The following GRIK3 variants were observed in gnomAD, a reference collection of about 807,000 sequenced individuals.
GRIK3 encodes glutamate ionotropic receptor kainate type subunit 3.
GRIK3 carries 29 observed loss-of-function variants against 102.5 expected under a neutral mutation model. The ratio of observed to expected loss-of-function variants is 0.28; its 90% CI spans 0.21 to 0.39. GRIK3 has a LOEUF of 0.39. GRIK3 is among the 10% of genes least tolerant of loss of function. GRIK3 has a pLI of 1.00. For synonymous variants in GRIK3, 511 were observed against 504.9 expected (o/e 1.01, Z -0.16); for missense variants, 908 against 1,252.4 (o/e 0.73, Z 4.15).
chr1:36,902,427 C>T (rs1189083970), intron 1 of GRIK3, among the ~76,000 whole-genome samples: 1 of 152,184 alleles, frequency 6.6e-6, no homozygotes, highest in African/African-American at 2.4e-5. Context: ...TGCAGACCCA[C>T]ATAAATAAAG....
chr1:37,006,063 C>T (rs149357317), intron 1 of GRIK3, among the ~76,000 whole-genome samples: 203 of 152,262 alleles, frequency 1.3e-3, no homozygotes, highest in South Asian at 3.9e-3. Context: ...CGGGAGAAGG[C>T]GGTGCATTTG....
At chr1:36,902,402 A>G (rs1641241196) in intron 1 of GRIK3, among the ~76,000 whole-genome samples, 1 of 152,238 alleles carries the variant, frequency 6.6e-6, no homozygotes, top group Non-Finnish European at 1.5e-5. Context: ...ATTGGAACAG[A>G]ATGGAGAATT....
intron 1 of GRIK3, among the ~76,000 whole-genome samples, chr1:36,953,259 G>A (rs570233536): frequency 9.9e-5 from 15 of 152,276 alleles, no homozygotes; most frequent in South Asian, 4.1e-4. Flanking sequence ...AGTGCGGAGC[G>A]TTCCCAGCTT....
intron 5 of GRIK3, among the ~76,000 whole-genome samples, chr1:36,869,076 T>G (rs1640816456): frequency 6.6e-6 from 1 of 152,202 alleles, no homozygotes; most frequent in African/African-American, 2.4e-5. Flanking sequence ...TGCAAGGCAG[T>G]GAGGCTCAGG....
intron 1 of GRIK3, among the ~76,000 whole-genome samples, chr1:36,998,537 G>T (rs1394478100): frequency 6.6e-6 from 1 of 152,178 alleles, no homozygotes. Flanking sequence ...TTATTGACAC[G>T]CATATGACAG....
At chr1:36,810,275 G>A (rs566569524) in intron 13 of GRIK3, among the ~76,000 whole-genome samples, 1 of 152,200 alleles carries the variant, frequency 6.6e-6, no homozygotes, top group Admixed American at 6.5e-5. Flanking sequence ...CCTAGGGAAC[G>A]AAGTCTCACA....
rs1040295222 is a variant in GRIK3 at position 36,819,594 on chromosome 1, G to A, written c.1873+142C>T. The A allele has an allele frequency of 3.2e-6, 2 of 625,298 alleles. No homozygotes were observed. Among genetic ancestry groups the A allele is most frequent in the South Asian group, 3.7e-5 (2 of 53,564 alleles). 38.7% of individuals were successfully genotyped at this position (625,298 alleles called of 1,614,324 possible). On this transcript the variant is annotated intron_variant, in intron 12 of 15. Coordinates refer to ENST00000373091, the MANE Select transcript of GRIK3 (RefSeq NM_000831.4). The surrounding 1 kb of genome is among the most constrained non-coding windows in gnomAD (Gnocchi z 4.1). ...GCAAGGGCACACACCTGGGTATCTC[G>A]ATGTCTCCAAACTTCTGCCGGCTCA... is the stretch of plus-strand genomic sequence containing the variant.
At chr1:37,020,268 C>G (rs1472258420) in intron 1 of GRIK3, among the ~76,000 whole-genome samples, 1 of 152,168 alleles carries the variant, frequency 6.6e-6, no homozygotes, top group Non-Finnish European at 1.5e-5. Context: ...GCACCTGGAA[C>G]CGCTGGGGTT....
At chr1:36,957,640 C>A (rs980111443) in intron 1 of GRIK3, among the ~76,000 whole-genome samples, 2 of 111,970 alleles carry the variant, frequency 1.8e-5, no homozygotes, top group Non-Finnish European at 3.7e-5. Flanking sequence ...TAAGCCTGTG[C>A]CCCATGAGCA....
chr1:36,996,577 G>A (rs940525232), intron 1 of GRIK3, among the ~76,000 whole-genome samples: 1 of 152,218 alleles, frequency 6.6e-6, no homozygotes, highest in Admixed American at 6.5e-5. Context: ...AAGCTGAGAA[G>A]GAGGTGGGAG....
intron 7 of GRIK3, among the ~76,000 whole-genome samples, chr1:36,857,910 G>A (rs1640671536): frequency 6.6e-6 from 1 of 152,248 alleles, no homozygotes; most frequent in Non-Finnish European, 1.5e-5. Flanking sequence ...AGGCGAGTCT[G>A]TTTTAGCTCT....
chr1:37,015,180 G>C (rs74064838), intron 1 of GRIK3, among the ~76,000 whole-genome samples: 4,866 of 152,216 alleles, frequency 0.032, 262 homozygotes, highest in African/African-American at 0.11. Flanking sequence ...TTGGGTAGGA[G>C]AGAAAGGAAA....
Position 36,880,531 on chromosome 1 carries a change from C to T in GRIK3, c.550+103G>A. ...GGAACTGGGGTATGGAACACAGCCT[C>T]TTCCCCCAGGGCAGCTGTGCTGAAC... On this transcript the variant is annotated intron_variant, in intron 3 of 15. Transcript: ENST00000373091. This position sits in a 1 kb window ranked among gnomAD's most constrained non-coding sequence, Gnocchi z 5.4. 7 of 1,191,074 alleles carry T rather than the reference C, an allele frequency of 5.9e-6. No homozygotes were observed. The highest frequency in any genetic ancestry group is 8.6e-6 in the Non-Finnish European group (7 of 814,214). 73.8% of individuals were successfully genotyped at this position (1,191,074 alleles called of 1,614,324 possible).
chr1:36,831,460 G>A (rs1310940683), intron 10 of GRIK3, among the ~76,000 whole-genome samples: 2 of 152,216 alleles, frequency 1.3e-5, no homozygotes, highest in Non-Finnish European at 2.9e-5. Context: ...TCTTTGGTAT[G>A]TGGCATCACA....
intron 5 of GRIK3, among the ~76,000 whole-genome samples, chr1:36,863,530 C>T (rs979216381): frequency 5.3e-5 from 8 of 152,286 alleles, no homozygotes; most frequent in East Asian, 1.9e-4. Context: ...TTCCCAGTCT[C>T]GCTGGCCCCT....
At chr1:36,817,896 C>T (rs947375525) in intron 12 of GRIK3, among the ~76,000 whole-genome samples, 1 of 152,156 alleles carries the variant, frequency 6.6e-6, no homozygotes. Context: ...GATTGCTATG[C>T]AGTGCTTTGC....
intron 10 of GRIK3, among the ~76,000 whole-genome samples, chr1:36,829,963 C>T (rs1256929438): frequency 2.6e-5 from 4 of 152,204 alleles, no homozygotes; most frequent in African/African-American, 9.6e-5. Context: ...GGACAGGGGT[C>T]CTCCCAAGGG....
chr1:36,972,043 G>A (rs1228298876), intron 1 of GRIK3, among the ~76,000 whole-genome samples: 1 of 152,186 alleles, frequency 6.6e-6, no homozygotes, highest in Non-Finnish European at 1.5e-5. Context: ...AATGAATCAC[G>A]GAGCCAGGCA....
chr1:36,992,216 A>G (rs189358896), intron 1 of GRIK3, among the ~76,000 whole-genome samples: 38 of 152,300 alleles, frequency 2.5e-4, no homozygotes, highest in African/African-American at 8.2e-4. Flanking sequence ...CTCAAAGACA[A>G]AAGTGCCCAG....
Sources: gnomAD v4.1 joint callset for allele counts (sites outside exome capture counted in the v4.1 genomes callset) on GRCh38, gnomAD v4.1.1 for gene constraint, Gnocchi (gnomAD v3.1) non-coding constraint, MANE v1.5 for transcripts, NCBI Gene and HGNC (gene_info 2026-07-23, HGNC 2026-07-21) for gene names.